Variants in HMGN3 observed in about 807,000 individuals in gnomAD.
The protein encoded by HMGN3 is high mobility group nucleosome-binding domain-containing protein 3.
In HMGN3, 6 loss-of-function variants were observed where a neutral mutation model predicts 18.8. That is an observed-to-expected ratio of 0.32 (90% confidence interval 0.18 to 0.63). The LOEUF (loss-of-function observed/expected upper bound fraction) is 0.63. Ranked by LOEUF, HMGN3 falls within the 30% of genes least tolerant of loss-of-function variation. HMGN3 has a pLI of 0.79. For synonymous variants in HMGN3, 40 were observed against 36.5 expected, an observed-to-expected ratio of 1.10 and a Z score of -0.35; for missense variants, 107 against 114.2, an observed-to-expected ratio of 0.94 and a Z score of 0.29.
intron 3 of HMGN3, among the ~76,000 whole-genome samples, chr6:79,204,848 C>T (rs1262752153): frequency 6.6e-6 from 1 of 152,148 alleles, no homozygotes; most frequent in Non-Finnish European, 1.5e-5. Flanking sequence ...ATCTGCAGGC[C>T]AAATACAGCA....
chr6:79,201,776 AT>A (rs762495208), intron 5 of HMGN3, 50 bp from the exon 7 acceptor site: 2 of 1,590,044 alleles, frequency 1.3e-6, no homozygotes, highest in Admixed American at 1.8e-5. Flanking sequence ...TGAAACTACT[AT>A]AAGCAAAGGA....
chr6:79,215,143 A>G (rs1316096318), intron 1 of HMGN3, 121 bp from the exon 2 acceptor site: 6 of 628,044 alleles, frequency 9.6e-6, no homozygotes, highest in Non-Finnish European at 1.7e-5. Context: ...TTGCAAAGAA[A>G]AAGTAAATTA....
intron 1 of HMGN3, among the ~76,000 whole-genome samples, chr6:79,222,042 G>T (rs1374331957): frequency 6.6e-6 from 1 of 152,056 alleles, no homozygotes; most frequent in Non-Finnish European, 1.5e-5. Context: ...CGAATTAGCT[G>T]AAGGCCTACA....
At chr6:79,207,787 G>A (rs1776491743) in intron 3 of HMGN3, among the ~76,000 whole-genome samples, 1 of 152,104 alleles carries the variant, frequency 6.6e-6, no homozygotes, top group African/African-American at 2.4e-5. Flanking sequence ...TGAAGCTTCT[G>A]TAATAGCTAG....
chr6:79,219,176 G>A (rs754660870), intron 1 of HMGN3, among the ~76,000 whole-genome samples: 1 of 152,146 alleles, frequency 6.6e-6, no homozygotes, highest in Non-Finnish European at 1.5e-5. Flanking sequence ...AGGACATATT[G>A]TAATAAAACT....
chr6:79,216,996 C>T (rs1303249951), intron 1 of HMGN3, among the ~76,000 whole-genome samples: 1 of 152,156 alleles, frequency 6.6e-6, no homozygotes, highest in African/African-American at 2.4e-5. Flanking sequence ...TCATATTTTT[C>T]TATGCAGTGG....
intron 1 of HMGN3, among the ~76,000 whole-genome samples, chr6:79,231,765 C>T (rs1477897288): frequency 2.6e-5 from 4 of 152,176 alleles, no homozygotes; most frequent in Non-Finnish European, 5.9e-5. Context: ...TAAGACCAGC[C>T]TAAAGTTAAC....
chr6:79,221,902 CATTGGTACATGT>C (rs1378090292), intron 1 of HMGN3, among the ~76,000 whole-genome samples: 9 of 151,996 alleles, frequency 5.9e-5, no homozygotes, highest in South Asian at 2.1e-4. Context: ...AGTACCAATT[CATTGGTACATGT>C]ATTGGTACAT....
intron 1 of HMGN3, among the ~76,000 whole-genome samples, chr6:79,231,061 A>G (rs6930131): frequency 0.83 from 125,762 of 152,172 alleles, 53,214 homozygotes; most frequent in East Asian, 1. Context: ...GTCAAGAGAC[A>G]TGACTGCTTA....
chr6:79,208,982 T>A (rs1179342841), intron 2 of HMGN3, among the ~76,000 whole-genome samples: 1 of 152,204 alleles, frequency 6.6e-6, no homozygotes, highest in African/African-American at 2.4e-5. Flanking sequence ...CTAAAGCTTT[T>A]AAGTTAATAC....
chr6:79,234,665 A>G (rs1778061610), exon 1 of HMGN3: 3 of 1,159,566 alleles, frequency 2.6e-6, no homozygotes, highest in South Asian at 1.3e-5. Flanking sequence ...GCAGGGCACG[A>G]CGTAGCCCGG....
chr6:79,229,426 C>A (rs749853195), intron 1 of HMGN3, among the ~76,000 whole-genome samples: 1 of 151,918 alleles, frequency 6.6e-6, no homozygotes, highest in African/African-American at 2.4e-5. Flanking sequence ...CTAGTAAACA[C>A]GTGAAAAGAT....
intron 1 of HMGN3, among the ~76,000 whole-genome samples, chr6:79,220,683 G>A (rs111462845): frequency 0.01 from 1,590 of 152,242 alleles, 12 homozygotes; most frequent in Non-Finnish European, 0.017. Flanking sequence ...CTGACCTCAG[G>A]TGATCCACCC....
intron 5 of HMGN3, 140 bp from the exon 7 acceptor site, chr6:79,201,866 A>C: frequency 6.9e-7 from 1 of 1,456,012 alleles, no homozygotes; most frequent in Non-Finnish European, 9.0e-7. Flanking sequence ...ACCTATTTCA[A>C]CTCTGAGTGA....
intron 1 of HMGN3, among the ~76,000 whole-genome samples, chr6:79,223,830 C>G (rs1777425880): frequency 6.6e-6 from 1 of 151,580 alleles, no homozygotes; most frequent in Non-Finnish European, 1.5e-5. Flanking sequence ...CAGTCTGGCT[C>G]ACACCTGACT....
intron 1 of HMGN3, among the ~76,000 whole-genome samples, chr6:79,230,946 A>C (rs1777809591): frequency 6.6e-6 from 1 of 152,212 alleles, no homozygotes; most frequent in South Asian, 2.1e-4. Flanking sequence ...TAATAAGCCC[A>C]ATGCTACTGC....
At chr6:79,234,644 G>A in exon 1 of HMGN3, 1 of 1,364,546 alleles carries the variant, frequency 7.3e-7, no homozygotes, top group Non-Finnish European at 1.0e-6. Context: ...TGCCTCTGCA[G>A]CTGCTCACGC....
chr6:79,224,645 A>G (rs1214459064), intron 1 of HMGN3, among the ~76,000 whole-genome samples: 1 of 152,128 alleles, frequency 6.6e-6, no homozygotes, highest in African/African-American at 2.4e-5. Flanking sequence ...GTTGCATTTG[A>G]TGCTTTCAAT....
At chr6:79,209,055 T>C (rs1432134789) in intron 2 of HMGN3, among the ~76,000 whole-genome samples, 2 of 152,216 alleles carry the variant, frequency 1.3e-5, no homozygotes, top group Non-Finnish European at 2.9e-5. Context: ...CTTGCTGCTA[T>C]GTTAGAAATG....
Sources: allele counts gnomAD v4.1 joint callset (sites outside exome capture counted in the v4.1 genomes callset), GRCh38; gene constraint gnomAD v4.1.1; transcripts MANE v1.5; gene names NCBI Gene and HGNC (gene_info 2026-07-23, HGNC 2026-07-21).